The following SLIT1 variants were observed in gnomAD, a reference collection of about 807,000 sequenced individuals.
SLIT1 encodes the protein slit guidance ligand 1.
SLIT1 carries 66 observed loss-of-function variants against 186.1 expected under a neutral mutation model. That is an observed-to-expected ratio of 0.35 (90% CI 0.29 to 0.44). The LOEUF is 0.44. SLIT1 is among the 20% of genes least tolerant of loss of function. The probability of loss-of-function intolerance (pLI) is 1.00; values close to 1 mark genes in which losing one functional copy is unlikely to be tolerated. For synonymous variants in SLIT1, 761 were observed against 833.8 expected (o/e 0.91, Z 1.50); for missense variants, 1,638 against 2,037.4 (o/e 0.80, Z 3.77).
Position 97,185,468 on chromosome 10 carries a change from C to T in SLIT1, c.197+10G>A, listed in dbSNP as rs1337849548. On this transcript the variant is annotated intron_variant, in intron 1 of 36. Transcript: ENST00000266058. ...GGAGCCAGGGAGCCAGGGGCGGGGA[C>T]CATACTCACAGGCGCTCGGTGTTCC... 10 of 1,609,958 alleles carry T rather than the reference C, an allele frequency of 6.2e-6. No homozygotes were observed. Among genetic ancestry groups the T allele is most frequent in the Non-Finnish European group, 8.5e-6 (10 of 1,178,694 alleles).
At chr10:97,183,182 C>T (rs1396027616) in intron 1 of SLIT1, among the ~76,000 whole-genome samples, 1 of 152,150 alleles carries the variant, frequency 6.6e-6, no homozygotes, top group South Asian at 2.1e-4. Flanking sequence ...TCCCACAGTC[C>T]GTTCCCTGAG....
intron 1 of SLIT1, among the ~76,000 whole-genome samples, chr10:97,180,309 C>T (rs1241236449): frequency 6.6e-6 from 1 of 152,246 alleles, no homozygotes; most frequent in Non-Finnish European, 1.5e-5. Context: ...CGAGCATTAC[C>T]GCATTTAATC....
At chr10:97,103,965 C>T (rs1311551796) in intron 4 of SLIT1, among the ~76,000 whole-genome samples, 1 of 152,182 alleles carries the variant, frequency 6.6e-6, no homozygotes, top group Non-Finnish European at 1.5e-5. Flanking sequence ...GCAGTAACTA[C>T]CTGCTGAGCA....
intron 26 of SLIT1, 86 bp from the exon 27 acceptor site, chr10:97,019,193 T>C (rs2134599128): frequency 1.2e-6 from 1 of 851,986 alleles, no homozygotes; most frequent in Non-Finnish European, 1.9e-6. Flanking sequence ...GAGGAGCCCA[T>C]GTCCAAGGAG....
At chr10:97,096,797 G>A (rs1849295856) in intron 4 of SLIT1, among the ~76,000 whole-genome samples, 2 of 152,200 alleles carry the variant, frequency 1.3e-5, no homozygotes, top group South Asian at 4.1e-4. Context: ...ATCAGGGCAC[G>A]TGGTGTGATT....
intron 4 of SLIT1, among the ~76,000 whole-genome samples, chr10:97,074,308 T>TC (rs1309450764): frequency 6.6e-6 from 1 of 152,152 alleles, no homozygotes; most frequent in Non-Finnish European, 1.5e-5. Flanking sequence ...CTCTCCGTTT[T>TC]CCCGGCCAAA....
intron 4 of SLIT1, among the ~76,000 whole-genome samples, chr10:97,113,951 A>C (rs2134681838): frequency 6.6e-6 from 1 of 152,298 alleles, no homozygotes; most frequent in East Asian, 1.9e-4. Context: ...CTACACTCCC[A>C]GGTGGGGCAG....
Position 97,185,834 on chromosome 10 carries a change from A to C in SLIT1, c.-160T>G. ...GGCTGGGAGGCACCTTGCTCCTCCAAGCGACGGCGCCTGTGCGCGGACGGA... is the reference window on the plus strand; with the variant it reads ...GGCTGGGAGGCACCTTGCTCCTCCACGCGACGGCGCCTGTGCGCGGACGGA... On this transcript the variant is annotated 5_prime_UTR_variant, in exon 1 of 37. Transcript: ENST00000266058. 1 of 586,358 alleles carries C rather than the reference A, an allele frequency of 1.7e-6. No homozygotes were observed. Among genetic ancestry groups the C allele is most frequent in the Non-Finnish European group, 2.7e-6 (1 of 366,372 alleles). The allele number at this position is 586,358 out of a possible 1,614,324, so 36.3% of individuals were successfully genotyped here.
intron 4 of SLIT1, among the ~76,000 whole-genome samples, chr10:97,109,982 C>A (rs1217095664): frequency 6.6e-6 from 1 of 152,134 alleles, no homozygotes; most frequent in Non-Finnish European, 1.5e-5. Flanking sequence ...TAGGACAGAC[C>A]CTTAATGCCT....
At chr10:97,133,220 T>C (rs2134696555) in intron 4 of SLIT1, among the ~76,000 whole-genome samples, 1 of 152,260 alleles carries the variant, frequency 6.6e-6, no homozygotes, top group South Asian at 2.1e-4. Context: ...GGATGAGCCT[T>C]GAGGACATTA....
chr10:97,061,055 G>A (rs1848890145), intron 8 of SLIT1, among the ~76,000 whole-genome samples: 1 of 152,170 alleles, frequency 6.6e-6, no homozygotes, highest in Non-Finnish European at 1.5e-5. Context: ...AGAAATCCTG[G>A]CCTAGAATTC....
At chr10:97,013,034 C>T (rs1848425023) in intron 30 of SLIT1, among the ~76,000 whole-genome samples, 1 of 152,216 alleles carries the variant, frequency 6.6e-6, no homozygotes, top group Admixed American at 6.5e-5. Flanking sequence ...GATGAAAATA[C>T]AGACCAACAA....
At position 97,013,780 on chromosome 10, in the gene SLIT1, T is replaced by C; in HGVS notation, c.3164A>G (p.Gln1055Arg). ...DLCSPDLNPC[Q>R]HEAQCVGTPD... ...GGTGCCCACACACTGGGCCTCGTGTTGACATGGGTTCAGATCCGGAGAGCA... is the reference window on the plus strand; with the variant it reads ...GGTGCCCACACACTGGGCCTCGTGTCGACATGGGTTCAGATCCGGAGAGCA... Residue 1055 changes from glutamine to arginine, a missense_variant, in exon 30 of 37, where the codon CAA becomes CGA. This residue lies in a region of SLIT1 where 1,245 missense variants were observed against 1,535.3 expected (regional missense o/e 0.81). Coordinates refer to ENST00000266058, the MANE Select transcript of SLIT1 (RefSeq NM_003061.3). 1 of 1,551,650 alleles carries C rather than the reference T, an allele frequency of 6.4e-7. No homozygotes were observed.
chr10:97,130,108 C>T (rs1051945460), intron 4 of SLIT1, among the ~76,000 whole-genome samples: 8 of 152,238 alleles, frequency 5.3e-5, no homozygotes, highest in Non-Finnish European at 1.2e-4. Context: ...TGGGACAGCA[C>T]CCTGAGTGGG....
intron 4 of SLIT1, chr10:97,153,708 C>T (rs1025326804): frequency 1.3e-5 from 2 of 152,178 alleles, no homozygotes; most frequent in African/African-American, 4.8e-5. Flanking sequence ...GGAGTTGGGG[C>T]CTGAGACGCT....
Position 97,031,883 on chromosome 10 carries a change from C to T in SLIT1, c.2439-206G>A, listed in dbSNP as rs1010285629. Among the ~76,000 whole-genome samples, 5 of 152,250 alleles carry T rather than the reference C, an allele frequency of 3.3e-5. No individual in the cohort carries two copies. The South Asian group carries it at 1.0e-3, about 31-fold the overall frequency. On this transcript the variant is annotated intron_variant, in intron 23 of 36. Coordinates refer to ENST00000266058, the MANE Select transcript of SLIT1 (RefSeq NM_003061.3). The stretch of plus-strand genomic sequence containing the variant: ...GCATGCCCCCTAATCCCTTCTGCCT[C>T]AATCAGTTCCCCCGACTGTAAAATA...
At position 97,166,557 on chromosome 10, in the gene SLIT1, A is replaced by AAGAGAGAGAGAGAG. The variant is rs796735405; in HGVS notation, c.198-1681_198-1668dup. Among the ~76,000 whole-genome samples the AAGAGAGAGAGAGAG allele has an allele frequency of 6.0e-3, 329 of 55,026 alleles. 18 individuals carry two copies. Among genetic ancestry groups the AAGAGAGAGAGAGAG allele is most frequent in the Non-Finnish European group, 9.0e-3 (265 of 29,546 alleles). 36.1% of individuals were successfully genotyped at this position (55,026 alleles called of 152,430 possible). A position where few individuals can be genotyped will look rare whatever the true frequency, so the allele number is the denominator to read the frequency against. ...AAGGAAGGAAGGAAGGAAGGAAGGA[A>AAGAGAGAGAGAGAG]AGAGAGAGAGAGAGAAAGAAAGAAA... is the stretch of plus-strand genomic sequence containing the variant. On this transcript the variant is annotated intron_variant, in intron 1 of 36. Transcript: ENST00000266058.
In SLIT1 at chr10:97,021,435, GCAGGCATTA is replaced by G; in HGVS notation, c.2583-31_2583-23del. On this transcript the variant is annotated intron_variant, in intron 25 of 36. Transcript: ENST00000266058. This position sits in a 1 kb window ranked among gnomAD's most constrained non-coding sequence, Gnocchi z 4.5. ...GGCCCTGAGCAGAAAGCAGAGAGAA[GCAGGCATTA>G]CAGCTTCATGGGGTCCCTCGCCCAC... 1 of 1,606,808 alleles carries G rather than the reference GCAGGCATTA, an allele frequency of 6.2e-7. No homozygotes were observed. Among genetic ancestry groups the G allele is most frequent in the Non-Finnish European group, 8.5e-7 (1 of 1,175,240 alleles).
Position 97,066,004 on chromosome 10 carries a change from C to T in SLIT1, c.485+11G>A, listed in dbSNP as rs371803322. The T allele has an allele frequency of 2.6e-5, 41 of 1,593,120 alleles. No homozygotes were observed. The highest frequency in any genetic ancestry group is 3.1e-5 in the Non-Finnish European group (36 of 1,166,740). On this transcript the variant is annotated intron_variant, in intron 5 of 36. Transcript: ENST00000266058. The stretch of plus-strand genomic sequence containing the variant: ...CCCCCACACCCTTCTCCCTCCCAGG[C>T]CTGTACTCACAAATTTTTAAGGTCC...
Sources: allele counts gnomAD v4.1 joint callset (sites outside exome capture counted in the v4.1 genomes callset), GRCh38; gene constraint gnomAD v4.1.1; regional missense constraint gnomAD v4.1.1; non-coding constraint Gnocchi (gnomAD v3.1); transcripts MANE v1.5; gene names NCBI Gene and HGNC (gene_info 2026-07-23, HGNC 2026-07-21).